Variants in MAMDC2 observed in about 807,000 individuals in gnomAD.
MAMDC2 encodes MAM domain containing 2.
MAMDC2 carries 57 observed loss-of-function variants against 89.8 expected under a neutral mutation model. That is an observed-to-expected ratio of 0.63 (90% CI 0.51 to 0.79). The LOEUF is 0.79. Among genes scored for constraint, MAMDC2 ranks in the 30% least tolerant of loss-of-function variants. The pLI is 0.00. For missense variants in MAMDC2, 800 were observed against 820.6 expected (o/e 0.97, Z 0.31); for synonymous variants, 313 against 293.4 (o/e 1.07, Z -0.68).
Position 70,105,576 on chromosome 9 carries a change from A to C in MAMDC2, c.149-2635A>C, listed in dbSNP as rs138434600. On this transcript the variant is annotated intron_variant, in intron 2 of 13. Coordinates refer to ENST00000377182, the MANE Select transcript of MAMDC2 (RefSeq NM_153267.5). Reference sequence around the variant, plus strand: ...ACCTAAAAACAAATATGAGATCTTTAATTTAAATGCAAAATTCCAATATTT... The same window carrying C: ...ACCTAAAAACAAATATGAGATCTTTCATTTAAATGCAAAATTCCAATATTT... Among the ~76,000 whole-genome samples the C allele has an allele frequency of 1.1e-3, 166 of 152,320 alleles. 1 individual carries two copies. The highest frequency in any genetic ancestry group is 2.4e-4 in the Non-Finnish European group (16 of 68,038).
At chr9:70,161,446 T>C (rs1028975997) in intron 9 of MAMDC2, among the ~76,000 whole-genome samples, 2 of 152,332 alleles carry the variant, frequency 1.3e-5, no homozygotes, top group South Asian at 4.1e-4. Flanking sequence ...AAAAAAAGTA[T>C]TGGTCAGCTA....
At chr9:70,118,533 G>T (rs745614143) in intron 5 of MAMDC2, among the ~76,000 whole-genome samples, 1 of 152,142 alleles carries the variant, frequency 6.6e-6, no homozygotes, top group Non-Finnish European at 1.5e-5. Context: ...AAGGAAAGAG[G>T]TTCCCTCTCT....
intron 10 of MAMDC2, 133 bp downstream of exon 10, chr9:70,168,928 C>A (rs1333838287): frequency 2.1e-5 from 15 of 708,276 alleles, no homozygotes; most frequent in Non-Finnish European, 3.3e-5. Flanking sequence ...TCCTGCAGAG[C>A]TGTGTAGCAG....
chr9:70,102,578 G>A (rs1416882484), intron 2 of MAMDC2, among the ~76,000 whole-genome samples: 1 of 152,140 alleles, frequency 6.6e-6, no homozygotes, highest in African/African-American at 2.4e-5. Context: ...AAACAGAAAA[G>A]CTTTTTCTGT....
At chr9:70,141,790 T>A (rs1392475803) in intron 8 of MAMDC2, among the ~76,000 whole-genome samples, 2 of 151,966 alleles carry the variant, frequency 1.3e-5, no homozygotes, top group South Asian at 4.2e-4. Flanking sequence ...GGGCAGTAAA[T>A]TGTGGGAAAG....
chr9:70,071,858 C>T (rs911650248), intron 2 of MAMDC2: 1 of 151,998 alleles, frequency 6.6e-6, no homozygotes, highest in African/African-American at 2.4e-5. Flanking sequence ...AAGGAAGGGA[C>T]CAAAAATGAA....
chr9:70,198,818 C>T (rs1306485599), intron 11 of MAMDC2, among the ~76,000 whole-genome samples: 3 of 152,060 alleles, frequency 2.0e-5, no homozygotes, highest in Non-Finnish European at 4.4e-5. Context: ...ATATTAATAA[C>T]ACAATAAAAT....
In MAMDC2 at chr9:70,112,297, A is replaced by G. The variant is rs139046828; in HGVS notation, c.506-698A>G. Among the ~76,000 whole-genome samples the G allele has an allele frequency of 2.3e-3, 355 of 152,316 alleles. 1 individual carries two copies. Among genetic ancestry groups the G allele is most frequent in the Middle Eastern group, 0.014 (4 of 294 alleles). On this transcript the variant is annotated intron_variant, in intron 4 of 13. Coordinates refer to ENST00000377182, the MANE Select transcript of MAMDC2 (RefSeq NM_153267.5). ...CCAATATATCCATGCAAACATGCCA[A>G]TGACACTAAGGGTAGAAGAGGGGGA...
At position 70,168,744 on chromosome 9, in the gene MAMDC2, C is replaced by G; in HGVS notation, c.1447C>G (p.Leu483Val). The change falls in exon 10 of 14, where the codon CTT becomes GTT. Residue 483 changes from leucine (L) to valine (V), a missense_variant. Transcript: ENST00000377182. Reference sequence around the variant, plus strand: ...ATGCAAAAGTTTCTGGGACTGTGGGCTTGTAGCCCTGGATGACATTACAAT... The same window carrying G: ...ATGCAAAAGTTTCTGGGACTGTGGGGTTGTAGCCCTGGATGACATTACAAT... ...SLCKSFWDCG[L>V]VALDDITIQL... 1 of 1,614,044 alleles carries G rather than the reference C, an allele frequency of 6.2e-7. No individual in the cohort carries two copies. Among genetic ancestry groups the G allele is most frequent in the Non-Finnish European group, 8.5e-7 (1 of 1,179,974 alleles).
At chr9:70,093,828 A>G (rs1827964560) in intron 2 of MAMDC2, 1 of 152,208 alleles carries the variant, frequency 6.6e-6, no homozygotes, top group Non-Finnish European at 1.5e-5. Context: ...CTTTGGTAGA[A>G]CAAACACTCT....
chr9:70,218,225 TC>T, intron 11 of MAMDC2, 111 bp from the exon 12 acceptor site: 1 of 1,182,060 alleles, frequency 8.5e-7, no homozygotes, highest in Non-Finnish European at 1.2e-6. Context: ...AAACCCTTTA[TC>T]AGTACTTTTA....
At chr9:70,143,025 C>T (rs1440304176) in intron 8 of MAMDC2, among the ~76,000 whole-genome samples, 2 of 152,108 alleles carry the variant, frequency 1.3e-5, no homozygotes, top group Non-Finnish European at 2.9e-5. Flanking sequence ...GAAAAACCTG[C>T]TCTTCAAGGG....
intron 11 of MAMDC2, among the ~76,000 whole-genome samples, chr9:70,177,500 G>A (rs533779889): frequency 1.3e-5 from 2 of 152,206 alleles, no homozygotes; most frequent in African/African-American, 2.4e-5. Context: ...GTGGGTAACC[G>A]AAACCATGGA....
At chr9:70,072,036 A>G (rs747092587) in intron 2 of MAMDC2, among the ~76,000 whole-genome samples, 2 of 152,194 alleles carry the variant, frequency 1.3e-5, no homozygotes, top group African/African-American at 2.4e-5. Flanking sequence ...TCAGTATTAA[A>G]ACCTTATCGA....
intron 9 of MAMDC2, among the ~76,000 whole-genome samples, chr9:70,145,617 A>C (rs574258505): frequency 2.0e-5 from 3 of 151,972 alleles, no homozygotes; most frequent in African/African-American, 7.3e-5. Context: ...AGAGTCCCAC[A>C]ATCAGGGGTG....
intron 5 of MAMDC2, among the ~76,000 whole-genome samples, chr9:70,123,884 C>T (rs2030402355): frequency 1.3e-5 from 2 of 152,208 alleles, no homozygotes; most frequent in Admixed American, 1.3e-4. Context: ...TGAGAAGGAA[C>T]AATCCCTGCT....
intron 8 of MAMDC2, among the ~76,000 whole-genome samples, chr9:70,142,878 C>G (rs978136228): frequency 9.9e-5 from 15 of 152,104 alleles, no homozygotes; most frequent in African/African-American, 3.4e-4. Context: ...CCAGGCTTTC[C>G]AGGATACACA....
At chr9:70,121,780 G>A (rs1392119246) in intron 5 of MAMDC2, among the ~76,000 whole-genome samples, 1 of 151,478 alleles carries the variant, frequency 6.6e-6, no homozygotes, top group African/African-American at 2.4e-5. Context: ...CCAGATAGGA[G>A]TGTTGGGTTC....
intron 3 of MAMDC2, 32 bp downstream of exon 3, chr9:70,108,514 C>A: frequency 3.9e-6 from 6 of 1,530,136 alleles, no homozygotes; most frequent in Non-Finnish European, 5.2e-6. Flanking sequence ...GATATAAGGC[C>A]TATTATCTTT....
Sources: allele counts gnomAD v4.1 joint callset (sites outside exome capture counted in the v4.1 genomes callset), GRCh38; gene constraint gnomAD v4.1.1; transcripts MANE v1.5; gene names NCBI Gene and HGNC (gene_info 2026-07-23, HGNC 2026-07-21).